Variants in CPNE5 observed in about 807,000 individuals in gnomAD.
CPNE5 encodes copine 5, also known as copine-5.
CPNE5 carries 42 observed loss-of-function variants against 81.1 expected under a neutral mutation model. The ratio of observed to expected loss-of-function variants is 0.52; its 90% confidence interval spans 0.40 to 0.67. The LOEUF (loss-of-function observed/expected upper bound fraction) is 0.67, where lower values mean the gene tolerates loss of function less well. Ranked by LOEUF, CPNE5 falls within the 30% of genes least tolerant of loss-of-function variation. CPNE5 has a pLI of 0.00. For synonymous variants in CPNE5, 313 were observed against 321.5 expected (o/e 0.97, Z 0.28); for missense variants, 612 against 815.5 (o/e 0.75, Z 3.04).
intron 2 of CPNE5, 152 bp from the exon 3 acceptor site, chr6:36,822,312 G>A: frequency 1.9e-6 from 1 of 522,614 alleles, no homozygotes; most frequent in Admixed American, 3.8e-5. Flanking sequence ...TGTCTCCTGG[G>A]GTGGCTGAGA....
chr6:36,798,055 T>G (rs1037667565), intron 6 of CPNE5, 110 bp downstream of exon 6: 8 of 774,328 alleles, frequency 1.0e-5, no homozygotes, highest in Non-Finnish European at 1.5e-5. Context: ...CTAATAACCC[T>G]GCAGATGCCA....
Position 36,741,840 on chromosome 6 carries a change from G to A in CPNE5, c.*428C>T, listed in dbSNP as rs530868530. On this transcript the variant is annotated 3_prime_UTR_variant, in exon 21 of 21. Coordinates refer to ENST00000244751, the MANE Select transcript of CPNE5 (RefSeq NM_020939.2). ...TCGGGCACAGGATAGACCACAGGGC[G>A]GGGCTCAGGGACAGGAGTAGACACC... is the stretch of plus-strand genomic sequence containing the variant. The A allele has an allele frequency of 1.2e-4, 21 of 172,084 alleles. No homozygotes were observed. The highest frequency in any genetic ancestry group is 4.0e-4 in the African/African-American group (17 of 42,198). The allele number at this position is 172,084 out of a possible 1,614,324, so 10.7% of individuals were successfully genotyped here. A position where few individuals can be genotyped will look rare whatever the true frequency, so the allele number is the denominator to read the frequency against.
chr6:36,769,785 C>G (rs1351844697), intron 10 of CPNE5, among the ~76,000 whole-genome samples: 1 of 152,170 alleles, frequency 6.6e-6, no homozygotes, highest in Admixed American at 6.5e-5. Context: ...TGCCCTTCAT[C>G]GAGGCCATCT....
intron 9 of CPNE5, among the ~76,000 whole-genome samples, chr6:36,778,529 G>C (rs906220865): frequency 1.3e-5 from 2 of 152,132 alleles, no homozygotes; most frequent in Non-Finnish European, 2.9e-5. Flanking sequence ...TCCCATGAGG[G>C]ACTGGCCCCC....
rs117063877 is a variant in CPNE5, at chr6:36,822,911, T to C, written c.136+147A>G. 9.8e-4 allele frequency: 574 copies of C among 587,012 alleles called. 4 individuals are homozygous for C. The East Asian group carries it at 0.017, about 18-fold the overall frequency. 36.4% of individuals were successfully genotyped at this position (587,012 alleles called of 1,614,324 possible). ...CTCCGCAATTATCTTTCTCAGACAC[T>C]ATGGGAGAAACATTAAACAGGCTTG... On this transcript the variant is annotated intron_variant, in intron 2 of 20. Coordinates refer to ENST00000244751, the MANE Select transcript of CPNE5 (RefSeq NM_020939.2).
At position 36,766,241 on chromosome 6, in the gene CPNE5, G is replaced by A. The variant is rs532102178; in HGVS notation, c.738-865C>T. On this transcript the variant is annotated intron_variant, in intron 10 of 20. Transcript: ENST00000244751. The surrounding 1 kb of genome is among the most constrained non-coding windows in gnomAD (Gnocchi z 4.2). ...GTGGGGTGCAGAGAGGCAGCTCCCCGGGCCTATCTTTGTTAACATCCCATC... is the reference window on the plus strand; with the variant it reads ...GTGGGGTGCAGAGAGGCAGCTCCCCAGGCCTATCTTTGTTAACATCCCATC... 5.9e-5 allele frequency among the ~76,000 whole-genome samples: 9 copies of A among 152,106 alleles called. No homozygotes were observed. Among genetic ancestry groups the A allele is most frequent in the Non-Finnish European group, 1.0e-4 (7 of 68,026 alleles).
At chr6:36,800,105 G>C (rs773644548) in intron 3 of CPNE5, 35 bp from the exon 4 acceptor site, 2 of 1,507,110 alleles carry the variant, frequency 1.3e-6, no homozygotes, top group Non-Finnish European at 1.8e-6. Flanking sequence ...CCTCAGGGCC[G>C]GGCTGGTGGG....
chr6:36,743,590 T>G, intron 20 of CPNE5, 99 bp downstream of exon 20: 1 of 1,180,016 alleles, frequency 8.5e-7, no homozygotes. Flanking sequence ...GCCTCCCTTC[T>G]GGGCCCTTCA....
At chr6:36,792,256 G>A (rs1769167516) in intron 7 of CPNE5, 160 bp from the exon 8 acceptor site, 1 of 1,297,974 alleles carries the variant, frequency 7.7e-7, no homozygotes, top group Admixed American at 2.0e-5. Context: ...AGATCCTTGT[G>A]GCAGTGTGGC....
Position 36,741,419 on chromosome 6 carries a change from G to C in CPNE5, c.*849C>G, listed in dbSNP as rs1454050981. 1 of 152,250 alleles carries C rather than the reference G, an allele frequency of 6.6e-6. No individual in the cohort carries two copies. Among genetic ancestry groups the C allele is most frequent in the African/African-American group, 2.4e-5 (1 of 41,444 alleles). The allele number at this position is 152,250 out of a possible 1,614,324, so 9.4% of individuals were successfully genotyped here. Reference sequence around the variant, plus strand: ...AGCCTCATGGGATACAGGGCAAAGAGCAGGAGCAGTGTGGGAACGTGGGGC... The same window carrying C: ...AGCCTCATGGGATACAGGGCAAAGACCAGGAGCAGTGTGGGAACGTGGGGC... On this transcript the variant is annotated 3_prime_UTR_variant, in exon 21 of 21. Transcript: ENST00000244751.
intron 12 of CPNE5, among the ~76,000 whole-genome samples, chr6:36,759,342 G>A (rs978574895): frequency 6.6e-6 from 1 of 151,652 alleles, no homozygotes; most frequent in African/African-American, 2.4e-5. Context: ...CAGGGGGCCA[G>A]CGCCACCTAG....
intron 1 of CPNE5, chr6:36,827,684 G>A (rs1772621023): frequency 1.0e-6 from 1 of 985,280 alleles, no homozygotes; most frequent in African/African-American, 1.7e-5. Flanking sequence ...AGGACTTCCA[G>A]GCCCAGGGGC....
chr6:36,801,762 T>C (rs551979351), intron 3 of CPNE5, among the ~76,000 whole-genome samples: 25 of 152,186 alleles, frequency 1.6e-4, no homozygotes, highest in Admixed American at 5.9e-4. Context: ...GCCAAATTCA[T>C]CGATGCAGAA....
intron 3 of CPNE5, among the ~76,000 whole-genome samples, chr6:36,819,205 C>T (rs1771825563): frequency 2.0e-5 from 3 of 152,314 alleles, no homozygotes; most frequent in South Asian, 4.1e-4. Context: ...TGGGTTCAAG[C>T]GATTCTCCTG....
chr6:36,744,471 G>C lies in CPNE5; in HGVS notation c.1432-146C>G, dbSNP rs191442641. On this transcript the variant is annotated intron_variant, in intron 18 of 20. Transcript: ENST00000244751. ...GGAGAGACAGAGAAACACAGAAAAG[G>C]GGGTAGGGAGAGGGAGGGCACTCAG... is the stretch of plus-strand genomic sequence containing the variant. The C allele has an allele frequency of 2.2e-4, 149 of 678,056 alleles. 2 individuals are homozygous for C. Among genetic ancestry groups the C allele is most frequent in the African/African-American group, 1.8e-3 (99 of 56,382 alleles). 42.0% of individuals were successfully genotyped at this position (678,056 alleles called of 1,614,324 possible).
intron 5 of CPNE5, 48 bp from the exon 6 acceptor site, chr6:36,798,289 C>T (rs766664171): frequency 1.3e-6 from 2 of 1,575,242 alleles, no homozygotes; most frequent in Non-Finnish European, 1.7e-6. Flanking sequence ...ACTCTGCTCA[C>T]AGCTATCCCA....
chr6:36,825,151 C>T lies in CPNE5; in HGVS notation c.96-2053G>A, dbSNP rs903298931. 3.9e-5 allele frequency among the ~76,000 whole-genome samples: 6 copies of T among 152,266 alleles called. No individual in the cohort carries two copies. In the East Asian group the frequency reaches 1.2e-3, roughly 29 times the overall value. On this transcript the variant is annotated intron_variant, in intron 1 of 20. Transcript: ENST00000244751. The stretch of plus-strand genomic sequence containing the variant: ...TCACCAAAGCCCTCGGCAGTGACAG[C>T]CTGTCGGGCAACTTGACCCCATAAT...
chr6:36,826,126 G>T (rs571926130), intron 1 of CPNE5, among the ~76,000 whole-genome samples: 1 of 152,294 alleles, frequency 6.6e-6, no homozygotes, highest in South Asian at 2.1e-4. Context: ...CTGGATATCA[G>T]CCTAGATACG....
At position 36,748,264 on chromosome 6, in the gene CPNE5, G is replaced by T; in HGVS notation, c.975C>A (p.Thr325=). The change falls in exon 15 of 21, where the codon ACC becomes ACA. Residue 325 remains threonine (T), a synonymous_variant. Transcript: ENST00000244751. ...CTFLDYIKGG[T]QINFTVAIDF... is the part of the protein sequence containing the mutation. ...CAATGGCCACAGTGAAGTTGATCTG[G>T]GTCCTAGAAGAGGGAGAACAGCAGG... 1 of 1,614,092 alleles carries T rather than the reference G, an allele frequency of 6.2e-7. No individual in the cohort carries two copies. The highest frequency in any genetic ancestry group is 8.5e-7 in the Non-Finnish European group (1 of 1,179,976).
Sources: allele counts gnomAD v4.1 joint callset (sites outside exome capture counted in the v4.1 genomes callset), GRCh38; gene constraint gnomAD v4.1.1; non-coding constraint Gnocchi (gnomAD v3.1); transcripts MANE v1.5; gene names NCBI Gene and HGNC (gene_info 2026-07-23, HGNC 2026-07-21).